The following RUVBL1 variants were observed in gnomAD, a reference collection of about 807,000 sequenced individuals.
RUVBL1 encodes RuvB like AAA ATPase 1.
Under a neutral mutation model 52.4 loss-of-function variants are expected in RUVBL1, and 4 were observed. The ratio of observed to expected loss-of-function variants is 0.08; its 90% CI spans 0.04 to 0.17. RUVBL1 has a LOEUF of 0.17. Ranked by LOEUF, RUVBL1 falls within the 10% of genes least tolerant of loss-of-function variation. RUVBL1 has a pLI of 1.00. For missense variants in RUVBL1, 298 were observed against 572.8 expected, an observed-to-expected ratio of 0.52 and a Z score of 4.90; for synonymous variants, 217 against 214.4, an observed-to-expected ratio of 1.01 and a Z score of -0.10.
chr3:128,120,605 G>A (rs1229852514), intron 1 of RUVBL1, among the ~76,000 whole-genome samples: 1 of 152,106 alleles, frequency 6.6e-6, no homozygotes, highest in South Asian at 2.1e-4. Flanking sequence ...AACTGAATAC[G>A]TGACTATCTA....
chr3:128,095,099 G>T (rs981170544), intron 8 of RUVBL1, among the ~76,000 whole-genome samples: 1 of 152,196 alleles, frequency 6.6e-6, no homozygotes, highest in Non-Finnish European at 1.5e-5. Flanking sequence ...AGCCCAGATG[G>T]GGCTGGGGCC....
At chr3:128,087,661 G>A (rs1559808882) in intron 9 of RUVBL1, 45 bp downstream of exon 9, 1 of 1,492,920 alleles carries the variant, frequency 6.7e-7, no homozygotes, top group Non-Finnish European at 9.3e-7. Flanking sequence ...GTGAACACTG[G>A]GAGCAAATGA....
chr3:128,065,257 G>GT, intron 9 of RUVBL1: 1 of 630,360 alleles, frequency 1.6e-6, no homozygotes. Context: ...CAGTTCTAAC[G>GT]TAAGTGAAAT....
chr3:128,110,517 G>A (rs1943361395), intron 3 of RUVBL1, among the ~76,000 whole-genome samples: 1 of 151,858 alleles, frequency 6.6e-6, no homozygotes, highest in Non-Finnish European at 1.5e-5. Flanking sequence ...AATATTTCAT[G>A]GTAAAAATAA....
chr3:128,065,985 G>A (rs1471693607), intron 9 of RUVBL1, among the ~76,000 whole-genome samples: 2 of 151,798 alleles, frequency 1.3e-5, no homozygotes, highest in Admixed American at 6.6e-5. Flanking sequence ...CTCGTGATCC[G>A]CCCGCCTCCA....
intron 2 of RUVBL1, among the ~76,000 whole-genome samples, chr3:128,115,495 T>C (rs187149883): frequency 3.0e-4 from 46 of 152,320 alleles, no homozygotes; most frequent in Admixed American, 2.9e-3. Flanking sequence ...GTAAGTTGCC[T>C]AAACTTTGGG....
chr3:128,137,429 T>C (rs1943964079), intron 1 of RUVBL1, among the ~76,000 whole-genome samples: 1 of 152,126 alleles, frequency 6.6e-6, no homozygotes, highest in Non-Finnish European at 1.5e-5. Context: ...TGTCAATAAA[T>C]TGGAAAACCT....
intron 1 of RUVBL1, among the ~76,000 whole-genome samples, chr3:128,132,902 C>A (rs182768332): frequency 6.6e-6 from 1 of 152,322 alleles, no homozygotes; most frequent in African/African-American, 2.4e-5. Context: ...TGGACACCAC[C>A]TCAGCCACAG....
At chr3:128,133,650 C>G (rs1943910960) in intron 1 of RUVBL1, among the ~76,000 whole-genome samples, 1 of 152,264 alleles carries the variant, frequency 6.6e-6, no homozygotes, top group Non-Finnish European at 1.5e-5. Flanking sequence ...GGTAGCACCT[C>G]TATGCAGCTG....
chr3:128,118,285 CTG>C (rs1420804818), intron 2 of RUVBL1, among the ~76,000 whole-genome samples: 2 of 151,990 alleles, frequency 1.3e-5, no homozygotes, highest in Non-Finnish European at 2.9e-5. Context: ...AGAGAAAAAA[CTG>C]TTCACAAATA....
At chr3:128,130,620 TTTA>T (rs758544380) in intron 1 of RUVBL1, among the ~76,000 whole-genome samples, 3,791 of 61,344 alleles carry the variant, frequency 0.062, 167 homozygotes, top group African/African-American at 0.16. Context: ...AAAAATTTTA[TTTA>T]TTTATGTATT....
At chr3:128,108,199 C>T (rs1943293526) in intron 3 of RUVBL1, among the ~76,000 whole-genome samples, 1 of 152,194 alleles carries the variant, frequency 6.6e-6, no homozygotes, top group African/African-American at 2.4e-5. Context: ...TTATTGCTTC[C>T]TCCCCACCCC....
intron 1 of RUVBL1, among the ~76,000 whole-genome samples, chr3:128,150,909 T>C (rs1227730046): frequency 1.7e-4 from 14 of 83,958 alleles, no homozygotes; most frequent in African/African-American, 6.7e-4. Flanking sequence ...TATAATATAA[T>C]ATTCTATATT....
In RUVBL1 at chr3:128,123,702, C is replaced by T; in HGVS notation, c.23G>A (p.Ser8Asn). 6.2e-7 allele frequency: 1 copy of T among 1,607,742 alleles called. No homozygotes were observed. The highest frequency in any genetic ancestry group is 8.5e-7 in the Non-Finnish European group (1 of 1,176,178). The part of the protein sequence containing the change: MKIEEVK[S>N]TTKTQRIASH... ...GGCGATGCGCTGCGTCTTCGTAGTG[C>T]TCTTCACCTCCTCAATCTTCATTTT... The change falls in exon 1 of 11, where the codon AGC becomes AAC. Residue 8 changes from serine to asparagine, a missense_variant. Coordinates refer to ENST00000322623, the MANE Select transcript of RUVBL1 (RefSeq NM_003707.3).
At chr3:128,087,839 A>G in intron 8 of RUVBL1, 31 bp from the exon 9 acceptor site, 1 of 1,494,412 alleles carries the variant, frequency 6.7e-7, no homozygotes, top group Non-Finnish European at 9.3e-7. Flanking sequence ...CCCATCACCT[A>G]AGCCTCTGTT....
At chr3:128,152,730 A>G (rs1180565854) in intron 1 of RUVBL1, among the ~76,000 whole-genome samples, 1 of 152,092 alleles carries the variant, frequency 6.6e-6, no homozygotes, top group Non-Finnish European at 1.5e-5. Context: ...GGACCTTCGC[A>G]GTGAGTGTTA....
intron 2 of RUVBL1, among the ~76,000 whole-genome samples, chr3:128,116,278 C>T (rs938925088): frequency 8.0e-5 from 12 of 150,308 alleles, no homozygotes; most frequent in African/African-American, 4.9e-5. Context: ...CAGTGGCTCA[C>T]GCCTGTAATC....
intron 9 of RUVBL1, among the ~76,000 whole-genome samples, chr3:128,069,122 T>C (rs1435513070): frequency 6.6e-6 from 1 of 152,210 alleles, no homozygotes; most frequent in Non-Finnish European, 1.5e-5. Context: ...ACAGGTGAAA[T>C]TAAATTTAAT....
intron 1 of RUVBL1, chr3:128,141,835 C>T (rs191559017): frequency 1.3e-5 from 2 of 152,336 alleles, no homozygotes; most frequent in Non-Finnish European, 2.9e-5. Flanking sequence ...TGTGTCCTGG[C>T]CTTAGCAGTA....
Sources: gnomAD v4.1 joint callset for allele counts (sites outside exome capture counted in the v4.1 genomes callset) on GRCh38, gnomAD v4.1.1 for gene constraint, MANE v1.5 for transcripts, NCBI Gene and HGNC (gene_info 2026-07-23, HGNC 2026-07-21) for gene names.